FAM168A: variants seen among roughly 807,000 people sequenced by gnomAD.
FAM168A encodes the protein protein FAM168A.
A neutral mutation model predicts 28.5 loss-of-function variants in FAM168A; 3 were observed. The observed-to-expected ratio is 0.11, with a 90% CI of 0.05 to 0.27. FAM168A has a LOEUF of 0.27. FAM168A is among the 10% of genes least tolerant of loss of function. The pLI, the probability that FAM168A is intolerant of heterozygous loss-of-function variation, is 1.00. For missense variants in FAM168A, 222 were observed against 311.5 expected (o/e 0.71, Z 2.16); for synonymous variants, 122 against 124.2 (o/e 0.98, Z 0.12).
chr11:73,497,120 T>C (rs892903916), intron 1 of FAM168A, among the ~76,000 whole-genome samples: 1 of 152,180 alleles, frequency 6.6e-6, no homozygotes, highest in Non-Finnish European at 1.5e-5. Context: ...TTCTCACCAC[T>C]TGCTCTTGCC....
At chr11:73,566,490 T>C (rs1944021036) in intron 1 of FAM168A, among the ~76,000 whole-genome samples, 1 of 152,158 alleles carries the variant, frequency 6.6e-6, no homozygotes, top group Non-Finnish European at 1.5e-5. Context: ...AAAATCCACA[T>C]GGAAAGACAA....
At chr11:73,499,786 A>G (rs1285133225) in intron 1 of FAM168A, among the ~76,000 whole-genome samples, 1 of 150,644 alleles carries the variant, frequency 6.6e-6, no homozygotes, top group East Asian at 1.9e-4. Context: ...GAGTTTGAAG[A>G]CCACTTTACT....
chr11:73,513,311 G>T (rs1010131583), intron 1 of FAM168A, among the ~76,000 whole-genome samples: 1 of 144,782 alleles, frequency 6.9e-6, no homozygotes, highest in Non-Finnish European at 1.5e-5. Flanking sequence ...CCAGGTTCAC[G>T]CCATTCTCCT....
Position 73,529,796 on chromosome 11 carries a change from C to CTTTT in FAM168A, c.-18-61308_-18-61305dup, listed in dbSNP as rs772530179. ...TCCTTCATTCAAACAACTTTTTCTT[C>CTTTT]TTTTTTTTTTTTTTTTGGAGACGCA... On this transcript the variant is annotated intron_variant, in intron 1 of 7. Transcript: ENST00000356467. Among the ~76,000 whole-genome samples, 208 of 127,510 alleles carry CTTTT rather than the reference C, an allele frequency of 1.6e-3. 8 individuals carry two copies. Among genetic ancestry groups the CTTTT allele is most frequent in the African/African-American group, 3.9e-3 (115 of 29,684 alleles). The allele number at this position is 127,510 out of a possible 152,430, so 83.7% of individuals were successfully genotyped here.
chr11:73,448,558 C>A (rs1280348828), intron 2 of FAM168A, among the ~76,000 whole-genome samples: 2 of 152,230 alleles, frequency 1.3e-5, no homozygotes, highest in African/African-American at 2.4e-5. Context: ...AATGCTTTCA[C>A]TACTGAGTCT....
At chr11:73,474,243 C>T (rs11235772) in intron 1 of FAM168A, among the ~76,000 whole-genome samples, 12,074 of 152,062 alleles carry the variant, frequency 0.079, 574 homozygotes, top group Admixed American at 0.11. Context: ...ATCAAGGGGA[C>T]GGCATCTGGC....
intron 1 of FAM168A, among the ~76,000 whole-genome samples, chr11:73,538,266 GGAAAAGCAACTGAA>G (rs778317121): frequency 1.8e-3 from 265 of 151,246 alleles, no homozygotes; most frequent in Non-Finnish European, 3.3e-3. Context: ...TTAGCAACCA[GGAAAAGCAACTGAA>G]CAGAAAAATA....
At chr11:73,444,038 G>T (rs1372306474) in intron 2 of FAM168A, among the ~76,000 whole-genome samples, 1 of 152,188 alleles carries the variant, frequency 6.6e-6, no homozygotes, top group African/African-American at 2.4e-5. Context: ...AGTCCAGTGG[G>T]AAGAACGGGG....
intron 1 of FAM168A, among the ~76,000 whole-genome samples, chr11:73,577,181 G>C (rs1483647909): frequency 2.6e-5 from 4 of 152,200 alleles, no homozygotes; most frequent in African/African-American, 9.6e-5. Context: ...CTGGGCATCT[G>C]CTATATGCCA....
chr11:73,531,975 T>C (rs113753718), intron 1 of FAM168A, among the ~76,000 whole-genome samples: 40 of 148,586 alleles, frequency 2.7e-4, no homozygotes, highest in African/African-American at 9.6e-4. Context: ...TGGCTAATTT[T>C]TTTTTTTTTT....
chr11:73,597,299 A>G (rs927591052), intron 1 of FAM168A, among the ~76,000 whole-genome samples: 2 of 151,818 alleles, frequency 1.3e-5, no homozygotes, highest in Non-Finnish European at 2.9e-5. Context: ...GTCTCCACAA[A>G]TTCCACCAGC....
chr11:73,448,162 G>A (rs1002245862), intron 2 of FAM168A, among the ~76,000 whole-genome samples: 9 of 152,022 alleles, frequency 5.9e-5, no homozygotes, highest in East Asian at 1.9e-4. Flanking sequence ...ATTCTCCTGC[G>A]TTAGCCTCCC....
At chr11:73,544,963 A>ATT (rs1943718569) in intron 1 of FAM168A, among the ~76,000 whole-genome samples, 1 of 92,730 alleles carries the variant, frequency 1.1e-5, no homozygotes, top group African/African-American at 5.9e-5. Flanking sequence ...TATTATATAT[A>ATT]ATATATATTA....
chr11:73,467,737 G>C (rs529790149), intron 2 of FAM168A, among the ~76,000 whole-genome samples: 8 of 151,850 alleles, frequency 5.3e-5, no homozygotes, highest in African/African-American at 1.9e-4. Flanking sequence ...TAAGTTGCTG[G>C]AACACTCTGA....
At chr11:73,407,832 C>T (rs1866535242) in intron 6 of FAM168A, among the ~76,000 whole-genome samples, 189 bp from the exon 7 acceptor site, 1 of 152,240 alleles carries the variant, frequency 6.6e-6, no homozygotes. Flanking sequence ...GGAATTTTTT[C>T]TGATGCTTGA....
At chr11:73,522,102 C>T (rs1943388297) in intron 1 of FAM168A, among the ~76,000 whole-genome samples, 1 of 152,046 alleles carries the variant, frequency 6.6e-6, no homozygotes, top group Non-Finnish European at 1.5e-5. Flanking sequence ...GCTGTGACTT[C>T]CCTCTTACCA....
intron 2 of FAM168A, among the ~76,000 whole-genome samples, chr11:73,466,172 C>G (rs1258056343): frequency 2.6e-5 from 4 of 152,224 alleles, no homozygotes. Context: ...ACTTGACCCC[C>G]TGTACTTTTG....
At chr11:73,549,895 A>G (rs1943805602) in intron 1 of FAM168A, among the ~76,000 whole-genome samples, 1 of 152,256 alleles carries the variant, frequency 6.6e-6, no homozygotes, top group Admixed American at 6.5e-5. Context: ...GACTTGACTA[A>G]GAAGAGGGCT....
intron 1 of FAM168A, among the ~76,000 whole-genome samples, chr11:73,499,510 G>A (rs1854961326): frequency 6.6e-6 from 1 of 152,178 alleles, no homozygotes; most frequent in Non-Finnish European, 1.5e-5. Context: ...GCACAGGACT[G>A]GACAGAGGAT....
Sources: gnomAD v4.1 joint callset for allele counts (sites outside exome capture counted in the v4.1 genomes callset) on GRCh38, gnomAD v4.1.1 for gene constraint, MANE v1.5 for transcripts, NCBI Gene and HGNC (gene_info 2026-07-23, HGNC 2026-07-21) for gene names.